ACACA: variants seen among roughly 807,000 people sequenced by gnomAD.
The protein encoded by ACACA is acetyl-CoA carboxylase 1.
ACACA carries 103 observed loss-of-function variants against 296.1 expected under a neutral mutation model. The ratio of observed to expected loss-of-function variants is 0.35; its 90% CI spans 0.30 to 0.41. The LOEUF (loss-of-function observed/expected upper bound fraction) is 0.41. ACACA is among the 10% of genes least tolerant of loss of function. ACACA has a pLI of 1.00. For missense variants in ACACA, 1,554 were observed against 2,989.7 expected, an observed-to-expected ratio of 0.52 and a Z score of 11.20; for synonymous variants, 953 against 1,038.6, an observed-to-expected ratio of 0.92 and a Z score of 1.58.
chr17:37,111,701 A>C, intron 51 of ACACA, 58 bp from the exon 52 acceptor site: 1 of 1,312,864 alleles, frequency 7.6e-7, no homozygotes, highest in Non-Finnish European at 1.1e-6. Context: ...AAGGAAGGAG[A>C]CAACAGAATG....
chr17:37,268,903 A>G (rs2081939831), intron 10 of ACACA, among the ~76,000 whole-genome samples: 1 of 151,092 alleles, frequency 6.6e-6, no homozygotes, highest in Non-Finnish European at 1.5e-5. Context: ...TTCCATAAGT[A>G]ATGAGTAGTT....
chr17:37,371,456 C>G (rs2049804025), intron 1 of ACACA, among the ~76,000 whole-genome samples: 1 of 152,026 alleles, frequency 6.6e-6, no homozygotes. Context: ...GAGGCACAGA[C>G]ATGTAAAGAG....
intron 25 of ACACA, among the ~76,000 whole-genome samples, chr17:37,228,388 G>A (rs1486012079): frequency 6.6e-6 from 1 of 151,714 alleles, no homozygotes; most frequent in African/African-American, 2.4e-5. Context: ...ATCTGAGTGA[G>A]AAAAATAAAA....
At chr17:37,223,208 G>C (rs1341990188) in intron 28 of ACACA, among the ~76,000 whole-genome samples, 1 of 152,124 alleles carries the variant, frequency 6.6e-6, no homozygotes, top group Non-Finnish European at 1.5e-5. Context: ...CGCTTTTTGT[G>C]TTACAAGGAA....
intron 1 of ACACA, among the ~76,000 whole-genome samples, chr17:37,346,266 G>A (rs1047296093): frequency 6.7e-6 from 1 of 148,712 alleles, no homozygotes; most frequent in East Asian, 2.0e-4. Flanking sequence ...GCAGTGAGCC[G>A]AGATCATGCC....
At chr17:37,183,763 G>A (rs2077414941) in intron 39 of ACACA, among the ~76,000 whole-genome samples, 1 of 149,670 alleles carries the variant, frequency 6.7e-6, no homozygotes, top group Non-Finnish European at 1.5e-5. Flanking sequence ...CTGCACTCCA[G>A]CCTGGGCGTC....
At chr17:37,399,373 T>C (rs1429908939) in intron 1 of ACACA, among the ~76,000 whole-genome samples, 1 of 152,202 alleles carries the variant, frequency 6.6e-6, no homozygotes, top group East Asian at 1.9e-4. Flanking sequence ...TATTAAACAA[T>C]GCCAAGTTCC....
At chr17:37,205,908 G>T in intron 32 of ACACA, 36 bp from the exon 33 acceptor site, 1 of 1,493,524 alleles carries the variant, frequency 6.7e-7, no homozygotes, top group Non-Finnish European at 9.3e-7. Flanking sequence ...GAAATTATGA[G>T]GCTGGCCAAT....
chr17:37,275,094 C>A (rs1380207439), intron 8 of ACACA, among the ~76,000 whole-genome samples: 2 of 152,310 alleles, frequency 1.3e-5, no homozygotes, highest in East Asian at 3.9e-4. Flanking sequence ...CTCTGGCATG[C>A]CTGGAAGAAA....
chr17:37,147,317 A>G (rs535308377), intron 45 of ACACA, among the ~76,000 whole-genome samples: 2 of 152,288 alleles, frequency 1.3e-5, no homozygotes, highest in East Asian at 3.9e-4. Context: ...ACAGACAGAG[A>G]AAGAGGGGGA....
chr17:37,406,567 G>A lies in ACACA; in HGVS notation c.-268C>T, dbSNP rs796293548. On this transcript the variant is annotated 5_prime_UTR_variant, in exon 1 of 56. Coordinates refer to ENST00000616317, the MANE Select transcript of ACACA (RefSeq NM_198834.3). ...ATGGGAACGTTATCCCCAAACCCAGGCAGTCCCGGCTCGGCCCGCCTCACC... is the reference window on the plus strand; with the variant it reads ...ATGGGAACGTTATCCCCAAACCCAGACAGTCCCGGCTCGGCCCGCCTCACC... The A allele has an allele frequency of 2.6e-5, 15 of 587,398 alleles. No individual in the cohort carries two copies. Among genetic ancestry groups the A allele is most frequent in the African/African-American group, 1.9e-4 (10 of 53,622 alleles). 36.4% of individuals were successfully genotyped at this position (587,398 alleles called of 1,614,324 possible). A position where few individuals can be genotyped will look rare whatever the true frequency, so the allele number is the denominator to read the frequency against.
chr17:37,088,510 C>CA (rs1227356239), intron 55 of ACACA, among the ~76,000 whole-genome samples: 5 of 152,104 alleles, frequency 3.3e-5, no homozygotes, highest in Admixed American at 2.0e-4. Flanking sequence ...TAAACTTTTA[C>CA]AAAAATGCCC....
intron 47 of ACACA, 144 bp from the exon 48 acceptor site, chr17:37,125,938 A>G (rs2074762567): frequency 1.1e-5 from 8 of 720,200 alleles, no homozygotes; most frequent in Admixed American, 1.0e-4. Flanking sequence ...TGGAAGCATT[A>G]GGCAGCTGAA....
At chr17:37,235,147 C>T in intron 24 of ACACA, 48 bp from the exon 25 acceptor site, 1 of 1,606,292 alleles carries the variant, frequency 6.2e-7, no homozygotes, top group Non-Finnish European at 8.5e-7. Context: ...TAAATGTTCA[C>T]ATTTACATGC....
chr17:37,144,936 A>G (rs1000437569), intron 45 of ACACA, among the ~76,000 whole-genome samples: 8 of 152,154 alleles, frequency 5.3e-5, no homozygotes, highest in African/African-American at 1.7e-4. Context: ...ACAGTCAGTT[A>G]ATGTCCACAG....
At chr17:37,384,851 T>C (rs372449486) in intron 1 of ACACA, among the ~76,000 whole-genome samples, 1 of 152,334 alleles carries the variant, frequency 6.6e-6, no homozygotes, top group South Asian at 2.1e-4. Context: ...TAAAGAACTA[T>C]CATTTTCTCA....
chr17:37,136,462 A>G (rs2143666826), intron 45 of ACACA, among the ~76,000 whole-genome samples: 1 of 152,266 alleles, frequency 6.6e-6, no homozygotes, highest in African/African-American at 2.4e-5. Flanking sequence ...CTGTTGGTGT[A>G]CATTTGGGTT....
intron 1 of ACACA, among the ~76,000 whole-genome samples, chr17:37,372,430 AG>A (rs1236806314): frequency 6.6e-6 from 1 of 151,598 alleles, no homozygotes; most frequent in Non-Finnish European, 1.5e-5. Flanking sequence ...AAAAAAAAAA[AG>A]AGTAGCATAG....
At chr17:37,098,068 C>CAA in intron 52 of ACACA, 84 bp from the exon 53 acceptor site, 1 of 1,543,844 alleles carries the variant, frequency 6.5e-7, no homozygotes, top group Non-Finnish European at 9.0e-7. Context: ...ACGGGAAGCT[C>CAA]AACATCAGCC....
Sources: gnomAD v4.1 joint callset for allele counts (sites outside exome capture counted in the v4.1 genomes callset) on GRCh38, gnomAD v4.1.1 for gene constraint, MANE v1.5 for transcripts, NCBI Gene and HGNC (gene_info 2026-07-23, HGNC 2026-07-21) for gene names.